The following PTPRG variants were observed in gnomAD, a reference collection of about 807,000 sequenced individuals.
PTPRG encodes protein tyrosine phosphatase receptor type G, also known as receptor-type tyrosine-protein phosphatase gamma.
Under a neutral mutation model 165.3 loss-of-function variants are expected in PTPRG, and 102 were observed. The ratio of observed to expected loss-of-function variants is 0.62; its 90% CI spans 0.53 to 0.73. The LOEUF (loss-of-function observed/expected upper bound fraction) is 0.73. Among genes scored for constraint, PTPRG ranks in the 30% least tolerant of loss-of-function variants. The pLI is 0.00. For synonymous variants in PTPRG, 675 were observed against 669.5 expected, an observed-to-expected ratio of 1.01 and a Z score of -0.13; for missense variants, 1,866 against 1,861.4, an observed-to-expected ratio of 1.00 and a Z score of -0.05.
At chr3:61,913,502 A>C (rs1421760538) in intron 2 of PTPRG, among the ~76,000 whole-genome samples, 3 of 152,188 alleles carry the variant, frequency 2.0e-5, no homozygotes, top group Admixed American at 6.5e-5. Flanking sequence ...TACAGGCGTG[A>C]GCCACCGCAC....
intron 4 of PTPRG, among the ~76,000 whole-genome samples, chr3:62,010,394 G>GTGTGTA (rs1559744615): frequency 6.6e-6 from 1 of 151,866 alleles, no homozygotes; most frequent in Non-Finnish European, 1.5e-5. Context: ...GTGTGTGTGT[G>GTGTGTA]TGTATAAGTT....
At chr3:62,025,652 T>C (rs1428942426) in intron 4 of PTPRG, among the ~76,000 whole-genome samples, 1 of 152,242 alleles carries the variant, frequency 6.6e-6, no homozygotes, top group Admixed American at 6.5e-5. Flanking sequence ...CCCTCAGGTA[T>C]CTACCTGTCC....
At chr3:61,565,322 T>C (rs2106756495) in intron 1 of PTPRG, among the ~76,000 whole-genome samples, 1 of 152,308 alleles carries the variant, frequency 6.6e-6, no homozygotes, top group East Asian at 1.9e-4. Flanking sequence ...AACATGATAT[T>C]AGGCATATTA....
At chr3:61,670,254 AG>A (rs1702933759) in intron 1 of PTPRG, among the ~76,000 whole-genome samples, 4 of 152,330 alleles carry the variant, frequency 2.6e-5, no homozygotes, top group South Asian at 4.1e-4. Context: ...AAGACCCAGG[AG>A]GGGGTTGACT....
At chr3:62,173,336 C>T (rs539054971) in intron 8 of PTPRG, among the ~76,000 whole-genome samples, 2 of 152,036 alleles carry the variant, frequency 1.3e-5, no homozygotes, top group African/African-American at 2.4e-5. Flanking sequence ...CGACTGTACT[C>T]AATTCTACCA....
At chr3:62,108,587 A>G (rs1702556773) in intron 5 of PTPRG, among the ~76,000 whole-genome samples, 1 of 152,136 alleles carries the variant, frequency 6.6e-6, no homozygotes, top group Non-Finnish European at 1.5e-5. Flanking sequence ...GTTAAATGGT[A>G]TTTCTAGTTC....
chr3:61,969,962 G>A (rs192260701), intron 2 of PTPRG, among the ~76,000 whole-genome samples: 18 of 152,208 alleles, frequency 1.2e-4, no homozygotes, highest in Admixed American at 6.5e-4. Context: ...AGATTAATAC[G>A]TTTCAAAAAG....
chr3:61,645,632 G>A (rs547934625), intron 1 of PTPRG, among the ~76,000 whole-genome samples: 9 of 152,298 alleles, frequency 5.9e-5, no homozygotes, highest in African/African-American at 1.9e-4. Context: ...TCTAGCCCAC[G>A]GGTTGGCAAA....
At chr3:62,051,382 G>A (rs1474886820) in intron 4 of PTPRG, among the ~76,000 whole-genome samples, 4 of 152,172 alleles carry the variant, frequency 2.6e-5, no homozygotes, top group African/African-American at 4.8e-5. Context: ...AAGCCTCCCA[G>A]TGACATGATT....
chr3:62,068,968 C>T (rs1448331363), intron 4 of PTPRG, among the ~76,000 whole-genome samples: 1 of 152,196 alleles, frequency 6.6e-6, no homozygotes, highest in African/African-American at 2.4e-5. Flanking sequence ...TGCAAAGATA[C>T]CCGCTACCTA....
chr3:61,792,264 C>T (rs2034898423), intron 2 of PTPRG, among the ~76,000 whole-genome samples: 4 of 151,958 alleles, frequency 2.6e-5, no homozygotes, highest in African/African-American at 9.7e-5. Context: ...GCAGTGGTGC[C>T]ATCACAACTC....
chr3:61,609,026 C>T (rs12632973), intron 1 of PTPRG, among the ~76,000 whole-genome samples: 13,526 of 152,106 alleles, frequency 0.089, 721 homozygotes, highest in East Asian at 0.21. Context: ...TTGGGTCAGC[C>T]TGAACATGAT....
intron 2 of PTPRG, among the ~76,000 whole-genome samples, chr3:61,976,749 A>G (rs1180920848): frequency 6.6e-6 from 1 of 151,866 alleles, no homozygotes; most frequent in African/African-American, 2.4e-5. Flanking sequence ...ATCTCGGCTC[A>G]CAGCAACCTC....
rs1271290084 is a variant in PTPRG, at chr3:62,294,157, A to G, written c.*850A>G. The G allele has an allele frequency of 3.9e-5, 6 of 152,100 alleles. No individual in the cohort carries two copies. Among genetic ancestry groups the G allele is most frequent in the Admixed American group, 2.0e-4 (3 of 15,244 alleles). The allele number at this position is 152,100 out of a possible 1,614,324, so 9.4% of individuals were successfully genotyped here. On this transcript the variant is annotated 3_prime_UTR_variant, in exon 30 of 30. Coordinates refer to ENST00000474889, the MANE Select transcript of PTPRG (RefSeq NM_002841.4). Reference sequence around the variant, plus strand: ...TTATGAGACCCTTTAGTTATTCTCCATTAATGCTTCTTAGTTTGTAATACC... The same window carrying G: ...TTATGAGACCCTTTAGTTATTCTCCGTTAATGCTTCTTAGTTTGTAATACC...
chr3:62,013,956 C>T (rs1368329157), intron 4 of PTPRG, among the ~76,000 whole-genome samples: 1 of 152,088 alleles, frequency 6.6e-6, no homozygotes, highest in Non-Finnish European at 1.5e-5. Flanking sequence ...CTTCAGGCCG[C>T]CAGATCAGAT....
intron 1 of PTPRG, among the ~76,000 whole-genome samples, chr3:61,615,204 G>A (rs1291912616): frequency 6.6e-6 from 1 of 152,152 alleles, no homozygotes; most frequent in Non-Finnish European, 1.5e-5. Context: ...CTAATCCTCA[G>A]AACTCATTCA....
chr3:61,578,252 G>A (rs1407622526), intron 1 of PTPRG, among the ~76,000 whole-genome samples: 1 of 152,200 alleles, frequency 6.6e-6, no homozygotes, highest in Non-Finnish European at 1.5e-5. Flanking sequence ...AAAGGTAGAA[G>A]GGAACTTGGA....
intron 4 of PTPRG, among the ~76,000 whole-genome samples, chr3:62,065,904 TGG>T (rs2106707916): frequency 6.6e-6 from 1 of 152,342 alleles, no homozygotes; most frequent in South Asian, 2.1e-4. Flanking sequence ...GGGTGTGGTT[TGG>T]ATTTATAGAA....
At chr3:61,569,114 A>C (rs951566318) in intron 1 of PTPRG, among the ~76,000 whole-genome samples, 3 of 152,136 alleles carry the variant, frequency 2.0e-5, no homozygotes, top group African/African-American at 7.2e-5. Flanking sequence ...AGTTGATGAG[A>C]GTTGCCATAC....
Sources: allele counts gnomAD v4.1 joint callset (sites outside exome capture counted in the v4.1 genomes callset), GRCh38; gene constraint gnomAD v4.1.1; transcripts MANE v1.5; gene names NCBI Gene and HGNC (gene_info 2026-07-23, HGNC 2026-07-21).